Variants in BCKDHB observed in about 807,000 individuals in gnomAD.
BCKDHB encodes the protein 2-oxoisovalerate dehydrogenase subunit beta, mitochondrial.
Under a neutral mutation model 48.5 loss-of-function variants are expected in BCKDHB, and 41 were observed. The ratio of observed to expected loss-of-function variants is 0.85; its 90% CI spans 0.66 to 1.10. BCKDHB has a LOEUF of 1.10. Ranked by LOEUF, BCKDHB falls within the 50% of genes least tolerant of loss-of-function variation. The probability of loss-of-function intolerance (pLI) is 0.00; values close to 1 mark genes in which losing one functional copy is unlikely to be tolerated. For synonymous variants in BCKDHB, 201 were observed against 174.8 expected, an observed-to-expected ratio of 1.15 and a Z score of -1.18; for missense variants, 496 against 494.2, an observed-to-expected ratio of 1.00 and a Z score of -0.03.
Position 80,209,403 on chromosome 6 carries a change from G to A in BCKDHB, c.951+6191G>A, listed in dbSNP as rs1431340988. Among the ~76,000 whole-genome samples, 5 of 151,962 alleles carry A rather than the reference G, an allele frequency of 3.3e-5. No homozygotes were observed. The East Asian group carries it at 7.7e-4, about 24-fold the overall frequency. ...GAAGAGCCAGAGCAATCTTGAAGAA[G>A]AACAAAACTGGAGGACTTAATTATC... is the stretch of plus-strand genomic sequence containing the variant. On this transcript the variant is annotated intron_variant, in intron 8 of 9. Transcript: ENST00000320393.
In BCKDHB at chr6:80,168,899, C is replaced by T. The variant is rs398124579; in HGVS notation, c.502C>T (p.Arg168Cys). 8.1e-6 allele frequency: 13 copies of T among 1,613,944 alleles called. No individual in the cohort carries two copies. The highest frequency in any genetic ancestry group is 6.7e-5 in the Admixed American group (4 of 59,988). ...GATTGTTAATGAAGCTGCCAAGTAT[C>T]GCTATCGCTCTGGGGATCTTTTTAA... is the stretch of plus-strand genomic sequence containing the variant. ...DQIVNEAAKY[R>C]YRSGDLFNCG... Residue 168 changes from arginine (R) to cysteine (C), a missense_variant, in exon 5 of 10, where the codon CGC (arginine) becomes TGC (cysteine). By Grantham distance (180) the Arg-to-Cys change is radical. Transcript: ENST00000320393.
At chr6:80,357,067 G>T in the BCKDHB span, among the ~76,000 whole-genome samples, 1 of 151,556 alleles carries the variant, frequency 6.6e-6, no homozygotes. Context: ...GCTTTAAAAA[G>T]TTTATTATTT....
chr6:80,464,447 A>AT, the BCKDHB span, among the ~76,000 whole-genome samples: 2 of 152,110 alleles, frequency 1.3e-5, no homozygotes, highest in African/African-American at 4.8e-5. Context: ...ATCTTTAGTG[A>AT]TTCACTTAGC....
Position 80,307,565 on chromosome 6 carries a change from T to TA in BCKDHB, c.1038+34352dup, listed in dbSNP as rs1407358685. On this transcript the variant is annotated intron_variant, in intron 9 of 9. Transcript: ENST00000320393. ...GTCTCCAGATGGGTCCATGAATGAC[T>TA]AAAAAAAATCTTCTAGTGAAAAATA... The TA allele has an allele frequency of 7.1e-5, 69 of 976,444 alleles. No homozygotes were observed. The African/African-American group carries it at 1.2e-3, about 16-fold the overall frequency. The allele number at this position is 976,444 out of a possible 1,614,324, so 60.5% of individuals were successfully genotyped here.
At chr6:80,275,060 G>A (rs73463536) in intron 9 of BCKDHB, among the ~76,000 whole-genome samples, 11,455 of 151,932 alleles carry the variant, frequency 0.075, 608 homozygotes, top group South Asian at 0.24. Context: ...GAATATAATC[G>A]TATTTATATA....
the BCKDHB span, among the ~76,000 whole-genome samples, chr6:80,367,680 C>T: frequency 6.6e-6 from 1 of 152,234 alleles, no homozygotes; most frequent in Admixed American, 6.5e-5. Context: ...CATAGCCTCT[C>T]AAGGCTTATC....
At chr6:80,106,639 C>T (rs1245485893), upstream of BCKDHB, 2 of 1,529,784 alleles carry the variant, frequency 1.3e-6, no homozygotes, top group Non-Finnish European at 1.8e-6. Flanking sequence ...GTGCTCCGCC[C>T]TCCCCGCAGG....
chr6:80,430,051 T>C, the BCKDHB span, among the ~76,000 whole-genome samples: 1 of 152,314 alleles, frequency 6.6e-6, no homozygotes, highest in Non-Finnish European at 1.5e-5. Context: ...CGATACCTAG[T>C]TTATTGAGAG....
intron 8 of BCKDHB, among the ~76,000 whole-genome samples, chr6:80,263,671 G>T (rs561708031): frequency 1.5e-4 from 23 of 152,258 alleles, no homozygotes; most frequent in Non-Finnish European, 8.8e-5. Context: ...AAGTGTAGCA[G>T]TGTTTATACT....
chr6:80,378,118 A>G, the BCKDHB span, among the ~76,000 whole-genome samples: 1 of 152,128 alleles, frequency 6.6e-6, no homozygotes, highest in Non-Finnish European at 1.5e-5. Context: ...TTTTAGATTC[A>G]GAGGATACAT....
chr6:80,386,416 A>G, the BCKDHB span, among the ~76,000 whole-genome samples: 4 of 151,674 alleles, frequency 2.6e-5, no homozygotes, highest in African/African-American at 9.7e-5. Flanking sequence ...TTGCAGGAAT[A>G]TAGATGGGGC....
the BCKDHB span, among the ~76,000 whole-genome samples, chr6:80,384,399 C>T: frequency 6.6e-6 from 1 of 151,404 alleles, no homozygotes; most frequent in Non-Finnish European, 1.5e-5. Context: ...CGCTCTGTCA[C>T]CCAGGCTGGA....
chr6:80,306,426 A>C (rs1471263885), intron 9 of BCKDHB, among the ~76,000 whole-genome samples: 1 of 152,178 alleles, frequency 6.6e-6, no homozygotes, highest in Non-Finnish European at 1.5e-5. Context: ...TAAATAGTAC[A>C]GTCTAAACAT....
chr6:80,466,549 C>T, the BCKDHB span, among the ~76,000 whole-genome samples: 13 of 152,092 alleles, frequency 8.5e-5, no homozygotes, highest in Non-Finnish European at 1.8e-4. Flanking sequence ...AGGTGATTAA[C>T]GTTAATTAGC....
At chr6:80,320,272 C>T (rs567959048) in intron 9 of BCKDHB, among the ~76,000 whole-genome samples, 20 of 152,184 alleles carry the variant, frequency 1.3e-4, no homozygotes, top group Middle Eastern at 3.4e-3. Context: ...GTTCCACAGA[C>T]GCAACAGGTT....
At chr6:80,397,409 A>T in the BCKDHB span, among the ~76,000 whole-genome samples, 1 of 152,002 alleles carries the variant, frequency 6.6e-6, no homozygotes, top group Non-Finnish European at 1.5e-5. Flanking sequence ...GTGTGTGTGT[A>T]TGTGTGTGTG....
chr6:80,252,008 A>C (rs1482921300), intron 8 of BCKDHB, among the ~76,000 whole-genome samples: 1 of 152,228 alleles, frequency 6.6e-6, no homozygotes, highest in African/African-American at 2.4e-5. Flanking sequence ...GCACTATAGC[A>C]TGCTTACTGT....
chr6:80,239,348 C>T (rs1166654233), intron 8 of BCKDHB, among the ~76,000 whole-genome samples: 2 of 140,720 alleles, frequency 1.4e-5, no homozygotes, highest in East Asian at 4.5e-4. Context: ...TCTCTGATGG[C>T]CAGTGATGAT....
At position 80,182,366 on chromosome 6, in the gene BCKDHB, G is replaced by A. The variant is rs1405182842; in HGVS notation, c.742+10976G>A. On this transcript the variant is annotated intron_variant, in intron 6 of 9. Coordinates refer to ENST00000320393, the MANE Select transcript of BCKDHB (RefSeq NM_183050.4). Reference sequence around the variant, plus strand: ...CCCAGTGGGATTTTCTTATGCTATGGTATATTTTTAATATTATTCACTTTT... The same window carrying A: ...CCCAGTGGGATTTTCTTATGCTATGATATATTTTTAATATTATTCACTTTT... Among the ~76,000 whole-genome samples, 4 of 152,100 alleles carry A rather than the reference G, an allele frequency of 2.6e-5. No individual in the cohort carries two copies. The East Asian group carries it at 5.8e-4, about 22-fold the overall frequency.
Sources: allele counts gnomAD v4.1 joint callset (sites outside exome capture counted in the v4.1 genomes callset), GRCh38; gene constraint gnomAD v4.1.1; transcripts MANE v1.5; gene names NCBI Gene and HGNC (gene_info 2026-07-23, HGNC 2026-07-21).